Variants in UBE2N observed in about 807,000 individuals in gnomAD.
UBE2N encodes the protein ubiquitin-conjugating enzyme E2 N.
For missense variants in UBE2N, 60 were observed against 192.1 expected, an observed-to-expected ratio of 0.31 and a Z score of 4.07; for synonymous variants, 70 against 69.2, an observed-to-expected ratio of 1.01 and a Z score of -0.06.
intron 1 of UBE2N, among the ~76,000 whole-genome samples, chr12:93,435,336 G>A (rs1592751366): frequency 6.6e-6 from 1 of 152,092 alleles, no homozygotes; most frequent in East Asian, 1.9e-4. Context: ...AGCTGGGCGT[G>A]GTGGCATACA....
In UBE2N at chr12:93,411,694, CTTGT is replaced by C. The variant is rs200915366; in HGVS notation, c.31-399_31-396del. Among the ~76,000 whole-genome samples the C allele has an allele frequency of 8.4e-3, 1,277 of 151,730 alleles. 9 individuals are homozygous for C. Among genetic ancestry groups the C allele is most frequent in the African/African-American group, 0.026 (1,062 of 41,346 alleles). On this transcript the variant is annotated intron_variant, in intron 1 of 3. Coordinates refer to ENST00000318066, the MANE Select transcript of UBE2N (RefSeq NM_003348.4). Reference sequence around the variant, plus strand: ...TAGCTTTTTTGGTGGTTTTTTTTGGCTTGTTTGTTTGTTTTTGAGACAAGATCTC... The same window carrying C: ...TAGCTTTTTTGGTGGTTTTTTTTGGCTTGTTTGTTTTTGAGACAAGATCTC...
intron 1 of UBE2N, among the ~76,000 whole-genome samples, chr12:93,413,565 T>C (rs1878100766): frequency 6.6e-6 from 1 of 152,068 alleles, no homozygotes; most frequent in Admixed American, 6.6e-5. Context: ...GACCTCCCTA[T>C]CCCCAACCTT....
chr12:93,424,879 C>T (rs1220032768), intron 1 of UBE2N, among the ~76,000 whole-genome samples: 1 of 151,704 alleles, frequency 6.6e-6, no homozygotes, highest in Non-Finnish European at 1.5e-5. Context: ...TGTGCTTTCA[C>T]AAAATCTATG....
chr12:93,433,200 T>C (rs1878822937), intron 1 of UBE2N, among the ~76,000 whole-genome samples: 1 of 152,184 alleles, frequency 6.6e-6, no homozygotes, highest in African/African-American at 2.4e-5. Flanking sequence ...CCCAAAGTGC[T>C]GGGATTACAG....
At chr12:93,440,528 G>A (rs1329756200) in intron 1 of UBE2N, among the ~76,000 whole-genome samples, 2 of 152,164 alleles carry the variant, frequency 1.3e-5, no homozygotes, top group Non-Finnish European at 2.9e-5. Context: ...ATATTTAAAT[G>A]CAATTGGATG....
At chr12:93,421,483 C>T (rs981486849) in intron 1 of UBE2N, among the ~76,000 whole-genome samples, 4 of 152,054 alleles carry the variant, frequency 2.6e-5, no homozygotes, top group Non-Finnish European at 5.9e-5. Flanking sequence ...TGATGGTATA[C>T]AATAAAGACA....
intron 1 of UBE2N, among the ~76,000 whole-genome samples, chr12:93,435,964 G>A (rs1165292783): frequency 6.6e-6 from 1 of 152,132 alleles, no homozygotes; most frequent in Non-Finnish European, 1.5e-5. Flanking sequence ...GGGGAAGGGA[G>A]ACATAAAGTA....
At chr12:93,421,472 T>C (rs1246856952) in intron 1 of UBE2N, among the ~76,000 whole-genome samples, 2 of 152,162 alleles carry the variant, frequency 1.3e-5, no homozygotes, top group Non-Finnish European at 2.9e-5. Context: ...TTTCCTAATC[T>C]TGATGGTATA....
Position 93,407,918 on chromosome 12 carries a change from G to C in UBE2N, c.*2121C>G, listed in dbSNP as rs532383319. 6.6e-6 allele frequency: 1 copy of C among 152,008 alleles called. No individual in the cohort carries two copies. Among genetic ancestry groups the C allele is most frequent in the Admixed American group, 6.5e-5 (1 of 15,286 alleles). The allele number at this position is 152,008 out of a possible 1,614,324, so 9.4% of individuals were successfully genotyped here. ...GGGGGAGTCTTACCAAAACTGCAAA[G>C]GAAAAAAATATGATACCATGAAATT... On this transcript the variant is annotated 3_prime_UTR_variant, in exon 4 of 4. Transcript: ENST00000318066.
At chr12:93,434,274 G>A (rs1372677350) in intron 1 of UBE2N, among the ~76,000 whole-genome samples, 2 of 152,174 alleles carry the variant, frequency 1.3e-5, no homozygotes, top group Non-Finnish European at 2.9e-5. Flanking sequence ...CCTGGCGACA[G>A]AGCGAGACTC....
chr12:93,420,374 C>T lies in UBE2N; in HGVS notation c.31-9075G>A, dbSNP rs147230906. ...GAAGCTCAGTGAAAAGGAATGGAGA[C>T]TTGGGAGCTGGAGGGACTTCTGAAA... On this transcript the variant is annotated intron_variant, in intron 1 of 3. Coordinates refer to ENST00000318066, the MANE Select transcript of UBE2N (RefSeq NM_003348.4). 4.4e-3 allele frequency among the ~76,000 whole-genome samples: 666 copies of T among 152,246 alleles called. 3 individuals are homozygous for T. Among genetic ancestry groups the T allele is most frequent in the Non-Finnish European group, 7.6e-3 (514 of 68,016 alleles).
chr12:93,413,078 C>T (rs1048517192), intron 1 of UBE2N, among the ~76,000 whole-genome samples: 1 of 152,152 alleles, frequency 6.6e-6, no homozygotes, highest in Non-Finnish European at 1.5e-5. Flanking sequence ...TTGAACATAC[C>T]CTCCAATCAA....
chr12:93,417,240 T>C (rs1187121783), intron 1 of UBE2N, among the ~76,000 whole-genome samples: 1 of 152,222 alleles, frequency 6.6e-6, no homozygotes, highest in African/African-American at 2.4e-5. Flanking sequence ...ATCAAATTGA[T>C]CTAATTATCA....
At position 93,409,798 on chromosome 12, in the gene UBE2N, C is replaced by T; in HGVS notation, c.*241G>A. ...GAAATGAATAAAAGCAGGGAGGGGC[C>T]ACTGCTTTTAAACGTTTCACAACAA... On this transcript the variant is annotated 3_prime_UTR_variant, in exon 4 of 4. Coordinates refer to ENST00000318066, the MANE Select transcript of UBE2N (RefSeq NM_003348.4). The T allele has an allele frequency of 2.1e-6, 1 of 486,184 alleles. No individual in the cohort carries two copies. Among genetic ancestry groups the T allele is most frequent in the East Asian group, 4.1e-5 (1 of 24,600 alleles). 30.1% of individuals were successfully genotyped at this position (486,184 alleles called of 1,614,324 possible). A position where few individuals can be genotyped will look rare whatever the true frequency, so the allele number is the denominator to read the frequency against.
At chr12:93,439,151 C>T (rs961547123) in intron 1 of UBE2N, among the ~76,000 whole-genome samples, 2 of 152,210 alleles carry the variant, frequency 1.3e-5, no homozygotes, top group Non-Finnish European at 2.9e-5. Flanking sequence ...GATGAGAATG[C>T]TAACACTGAT....
chr12:93,441,512 G>A (rs1215526242), intron 1 of UBE2N, among the ~76,000 whole-genome samples: 1 of 152,062 alleles, frequency 6.6e-6, no homozygotes, highest in Non-Finnish European at 1.5e-5. Context: ...CTCCGGCGGG[G>A]GGGTGGTCTC....
chr12:93,411,138 C>T lies in UBE2N; in HGVS notation c.192G>A (p.Met64Ile). Residue 64 changes from methionine (M) to isoleucine (I), a missense_variant, in exon 2 of 4, where the codon ATG becomes ATA. Met to Ile is a conservative substitution (Grantham distance 10). Coordinates refer to ENST00000318066, the MANE Select transcript of UBE2N (RefSeq NM_003348.4). ...TCATGAAACGTACTTTAGGGGCTGC[C>T]ATTGGGTATTCTTCTGGAAGGAATA... Reference protein sequence around the residue: ...LELFLPEEYPMAAPKVRFMTK... With the variant: ...LELFLPEEYPIAAPKVRFMTK... The T allele has an allele frequency of 6.2e-7, 1 of 1,614,176 alleles. No homozygotes were observed.
chr12:93,415,447 A>T (rs1303065639), intron 1 of UBE2N, among the ~76,000 whole-genome samples: 2 of 152,214 alleles, frequency 1.3e-5, no homozygotes, highest in African/African-American at 4.8e-5. Flanking sequence ...ATGTAAGAGC[A>T]AGTGAGAAAC....
intron 1 of UBE2N, among the ~76,000 whole-genome samples, chr12:93,426,460 G>A (rs904990279): frequency 1.4e-4 from 21 of 148,554 alleles, no homozygotes; most frequent in Admixed American, 1.3e-3. Flanking sequence ...AATAGTGTAA[G>A]TAAACAGTTT....
Sources: allele counts gnomAD v4.1 joint callset (sites outside exome capture counted in the v4.1 genomes callset), GRCh38; gene constraint gnomAD v4.1.1; transcripts MANE v1.5; gene names NCBI Gene and HGNC (gene_info 2026-07-23, HGNC 2026-07-21).